The following L3MBTL4 variants were observed in gnomAD, a reference collection of about 807,000 sequenced individuals.
The protein encoded by L3MBTL4 is lethal(3)malignant brain tumor-like protein 4.
A neutral mutation model predicts 84.5 loss-of-function variants in L3MBTL4; 70 were observed. The ratio of observed to expected loss-of-function variants is 0.83; its 90% CI spans 0.68 to 1.01. The LOEUF (loss-of-function observed/expected upper bound fraction) is 1.01, where lower values mean the gene tolerates loss of function less well. Ranked by LOEUF, L3MBTL4 falls within the 50% of genes least tolerant of loss-of-function variation. L3MBTL4 has a pLI of 0.00. For missense variants in L3MBTL4, 715 were observed against 754.8 expected, an observed-to-expected ratio of 0.95 and a Z score of 0.62; for synonymous variants, 274 against 259.8, an observed-to-expected ratio of 1.05 and a Z score of -0.52.
At chr18:6,160,641 G>T (rs2043293514) in intron 13 of L3MBTL4, among the ~76,000 whole-genome samples, 1 of 149,446 alleles carries the variant, frequency 6.7e-6, no homozygotes, top group African/African-American at 2.5e-5. Context: ...TGAGACAGGA[G>T]AATCACTTGA....
At chr18:5,999,098 C>T (rs1468668993) in intron 16 of L3MBTL4, among the ~76,000 whole-genome samples, 1 of 152,212 alleles carries the variant, frequency 6.6e-6, no homozygotes, top group Non-Finnish European at 1.5e-5. Context: ...TACTGCCTCA[C>T]CACAAGTTTC....
intron 13 of L3MBTL4, among the ~76,000 whole-genome samples, chr18:6,157,599 T>C (rs147165496): frequency 3.0e-3 from 455 of 152,288 alleles, no homozygotes; most frequent in African/African-American, 0.01. Flanking sequence ...ACGTGCAGTA[T>C]ATTAAATGAA....
At chr18:6,116,004 C>T (rs1401209324) in intron 14 of L3MBTL4, among the ~76,000 whole-genome samples, 2 of 152,174 alleles carry the variant, frequency 1.3e-5, no homozygotes, top group African/African-American at 2.4e-5. Flanking sequence ...TGAGCAACAG[C>T]ATCTTGGGAG....
intron 18 of L3MBTL4, among the ~76,000 whole-genome samples, chr18:5,956,838 A>G (rs1255233615): frequency 1.3e-5 from 2 of 152,214 alleles, no homozygotes; most frequent in Non-Finnish European, 2.9e-5. Context: ...GAAGTAAATA[A>G]TACTATAGTC....
At chr18:6,088,725 T>G (rs2058341380) in intron 15 of L3MBTL4, among the ~76,000 whole-genome samples, 1 of 152,160 alleles carries the variant, frequency 6.6e-6, no homozygotes, top group South Asian at 2.1e-4. Context: ...CAACTAACAT[T>G]GTTATAATTC....
At chr18:5,967,236 G>A (rs920383725) in intron 17 of L3MBTL4, among the ~76,000 whole-genome samples, 5 of 152,230 alleles carry the variant, frequency 3.3e-5, no homozygotes, top group Admixed American at 3.3e-4. Flanking sequence ...GCCACAATGA[G>A]CATGGTGGGC....
In L3MBTL4 at chr18:6,294,954, G is replaced by A. The variant is rs570466496; in HGVS notation, c.127+6949C>T. ...CTTTCATATATTAATGAATTCCTCCGGCACATAAAAACTGTTTTCATAAAA... is the reference window on the plus strand; with the variant it reads ...CTTTCATATATTAATGAATTCCTCCAGCACATAAAAACTGTTTTCATAAAA... On this transcript the variant is annotated intron_variant, in intron 4 of 18. Transcript: ENST00000317931. Among the ~76,000 whole-genome samples, 42 of 152,026 alleles carry A rather than the reference G, an allele frequency of 2.8e-4. 1 individual carries two copies. In the South Asian group the frequency reaches 6.7e-3, roughly 24 times the overall value.
intron 16 of L3MBTL4, among the ~76,000 whole-genome samples, chr18:5,985,521 G>A (rs1466871403): frequency 2.6e-5 from 4 of 152,184 alleles, no homozygotes; most frequent in African/African-American, 9.7e-5. Context: ...AATGGAATTT[G>A]CCTAAGAGAT....
intron 16 of L3MBTL4, among the ~76,000 whole-genome samples, chr18:6,063,549 T>C (rs1274275734): frequency 1.3e-5 from 2 of 151,894 alleles, no homozygotes; most frequent in Non-Finnish European, 2.9e-5. Flanking sequence ...GACTTTTTAA[T>C]TAGGGCCATT....
At chr18:6,191,463 G>A (rs569213261) in intron 12 of L3MBTL4, among the ~76,000 whole-genome samples, 1 of 152,170 alleles carries the variant, frequency 6.6e-6, no homozygotes, top group Non-Finnish European at 1.5e-5. Context: ...GGAGGAGGTA[G>A]CAGTGGGAAA....
chr18:6,291,009 G>A (rs2146698022), intron 4 of L3MBTL4, among the ~76,000 whole-genome samples: 1 of 152,238 alleles, frequency 6.6e-6, no homozygotes, highest in East Asian at 1.9e-4. Flanking sequence ...AGGCCACACA[G>A]AAAGTTCACC....
chr18:6,041,637 A>G (rs1005802219), intron 16 of L3MBTL4, among the ~76,000 whole-genome samples: 1 of 152,010 alleles, frequency 6.6e-6, no homozygotes, highest in Non-Finnish European at 1.5e-5. Flanking sequence ...CCTGCTTACC[A>G]AGCACAGAGA....
chr18:5,958,999 C>T (rs1599563984), intron 18 of L3MBTL4, among the ~76,000 whole-genome samples: 1 of 152,314 alleles, frequency 6.6e-6, no homozygotes, highest in South Asian at 2.1e-4. Context: ...CCAAGCCATG[C>T]TGAGCTCAGG....
chr18:6,253,095 G>A (rs572608311), intron 5 of L3MBTL4, among the ~76,000 whole-genome samples: 7 of 152,256 alleles, frequency 4.6e-5, no homozygotes, highest in East Asian at 3.9e-4. Flanking sequence ...CCAGCTACTC[G>A]GGAGGCTGAG....
intron 15 of L3MBTL4, among the ~76,000 whole-genome samples, chr18:6,081,770 G>A (rs964550009): frequency 7.9e-5 from 12 of 152,104 alleles, no homozygotes; most frequent in Non-Finnish European, 1.0e-4. Context: ...ATCCTACATA[G>A]AAACCTAAAT....
At chr18:6,348,276 T>C (rs2053015505) in intron 1 of L3MBTL4, among the ~76,000 whole-genome samples, 1 of 152,052 alleles carries the variant, frequency 6.6e-6, no homozygotes, top group South Asian at 2.1e-4. Context: ...AGAAATTGGT[T>C]AGATTGATCC....
intron 4 of L3MBTL4, among the ~76,000 whole-genome samples, chr18:6,267,111 G>T (rs909434596): frequency 6.6e-6 from 1 of 151,850 alleles, no homozygotes; most frequent in Non-Finnish European, 1.5e-5. Context: ...ACCCATATAT[G>T]TTATTGACAA....
At position 6,414,146 on chromosome 18, in the gene L3MBTL4, G is replaced by A. The variant is rs2056089501; in HGVS notation, c.-91+655C>T. The A allele has an allele frequency of 6.6e-6, 1 of 152,288 alleles. No homozygotes were observed. The highest frequency in any genetic ancestry group is 1.5e-5 in the Non-Finnish European group (1 of 68,100). The allele number at this position is 152,288 out of a possible 1,614,324, so 9.4% of individuals were successfully genotyped here. ...GTTCCAGGCGGTGGCAGGAGCCTGA[G>A]AGCCGCCGTCCCAGGCTGGCCAGGC... is the stretch of plus-strand genomic sequence containing the variant. On this transcript the variant is annotated intron_variant, in intron 1 of 18. Transcript: ENST00000317931. The surrounding 1 kb of genome is among the most constrained non-coding windows in gnomAD (Gnocchi z 5.4).
intron 12 of L3MBTL4, among the ~76,000 whole-genome samples, chr18:6,190,613 C>T (rs2045029670): frequency 6.6e-6 from 1 of 152,112 alleles, no homozygotes; most frequent in Non-Finnish European, 1.5e-5. Flanking sequence ...CTATTTTAGG[C>T]ACCAGGGATA....
Sources: gnomAD v4.1 joint callset for allele counts (sites outside exome capture counted in the v4.1 genomes callset) on GRCh38, gnomAD v4.1.1 for gene constraint, Gnocchi (gnomAD v3.1) non-coding constraint, MANE v1.5 for transcripts, NCBI Gene and HGNC (gene_info 2026-07-23, HGNC 2026-07-21) for gene names.